Variants in SPATC1L observed in about 807,000 individuals in gnomAD.
SPATC1L encodes spermatogenesis and centriole associated 1 like.
In SPATC1L, 20 loss-of-function variants were observed where a neutral mutation model predicts 21.2. The observed-to-expected ratio is 0.94, with a 90% confidence interval of 0.66 to 1.37. The LOEUF (loss-of-function observed/expected upper bound fraction) is 1.37, where lower values mean the gene tolerates loss of function less well. Ranked by LOEUF, SPATC1L falls within the 40% of genes most tolerant of loss-of-function variation. The pLI, the probability that SPATC1L is intolerant of heterozygous loss-of-function variation, is 0.00. For missense variants in SPATC1L, 499 were observed against 478.7 expected (o/e 1.04, Z -0.40); for synonymous variants, 290 against 234.5 (o/e 1.24, Z -2.16).
chr21:46,162,156 C>T, intron 3 of SPATC1L, 89 bp from the exon 4 acceptor site: 1 of 1,330,092 alleles, frequency 7.5e-7, no homozygotes, highest in Non-Finnish European at 1.0e-6. Flanking sequence ...GGGGCGGCTC[C>T]TCCACCCCCC....
intron 2 of SPATC1L, among the ~76,000 whole-genome samples, chr21:46,176,592 C>T (rs530088696): frequency 1.3e-5 from 2 of 152,266 alleles, no homozygotes; most frequent in East Asian, 1.9e-4. Flanking sequence ...TGGAGGATGT[C>T]TACAAGGAGA....
chr21:46,172,008 G>A (rs1478440820), intron 2 of SPATC1L, among the ~76,000 whole-genome samples: 1 of 96,874 alleles, frequency 1.0e-5, no homozygotes, highest in Admixed American at 1.3e-4. Flanking sequence ...ATCCAAACAT[G>A]ATCAAGAACA....
At chr21:46,162,154 T>C in intron 3 of SPATC1L, 87 bp from the exon 4 acceptor site, 2 of 1,363,992 alleles carry the variant, frequency 1.5e-6, no homozygotes, top group Non-Finnish European at 2.0e-6. Context: ...GGGGGGCGGC[T>C]CCTCCACCCC....
intron 2 of SPATC1L, among the ~76,000 whole-genome samples, chr21:46,171,020 ATGG>A (rs2079585608): frequency 6.6e-6 from 1 of 150,666 alleles, no homozygotes; most frequent in Non-Finnish European, 1.5e-5. Flanking sequence ...TCCTTTGTGG[ATGG>A]GGAGGAGCCT....
At chr21:46,172,167 GGGATGCACAGAGCGTGAGGCGGA>G (rs2079598337) in intron 2 of SPATC1L, among the ~76,000 whole-genome samples, 2 of 104,192 alleles carry the variant, frequency 1.9e-5, no homozygotes, top group Admixed American at 9.1e-5. Flanking sequence ...CGTGAGGCGG[GGGATGCACAGAGCGTGAGGCGGA>G]GGATGCACAG....
chr21:46,180,965 C>T (rs1314952641), intron 2 of SPATC1L, among the ~76,000 whole-genome samples: 1 of 152,224 alleles, frequency 6.6e-6, no homozygotes, highest in Non-Finnish European at 1.5e-5. Context: ...GGACTCAGCC[C>T]CTGACAAGGG....
Position 46,182,782 on chromosome 21 carries a change from A to T in SPATC1L, c.35T>A (p.Leu12Gln). 2 of 1,545,924 alleles carry T rather than the reference A, an allele frequency of 1.3e-6. No homozygotes were observed. Among genetic ancestry groups the T allele is most frequent in the Non-Finnish European group, 1.7e-6 (2 of 1,145,152 alleles). The change falls in exon 2 of 5, where the codon CTG becomes CAG. Residue 12 changes from leucine to glutamine, a missense_variant. Physicochemically the swap from Leu to Gln is moderately radical, Grantham distance 113. Coordinates refer to ENST00000291672, the MANE Select transcript of SPATC1L (RefSeq NM_001142854.2). ...CTTCTTCAGGTCCGCGTTCTCGCTC[A>T]GGAGCCGGCTCATCAGCTCGCCGCC... The part of the protein sequence containing the change: ...AEGGELMSRL[L>Q]SENADLKKQV...
intron 2 of SPATC1L, among the ~76,000 whole-genome samples, chr21:46,180,506 G>A (rs2079664548): frequency 6.6e-6 from 1 of 152,242 alleles, no homozygotes; most frequent in African/African-American, 2.4e-5. Context: ...TACTCATCCT[G>A]TTTTGAACAC....
At chr21:46,167,592 A>G (rs2079550374) in intron 3 of SPATC1L, among the ~76,000 whole-genome samples, 1 of 152,196 alleles carries the variant, frequency 6.6e-6, no homozygotes, top group Non-Finnish European at 1.5e-5. Context: ...AGGCAGGCGA[A>G]TTGCTTCAGC....
In SPATC1L at chr21:46,161,956, T is replaced by C. The variant is rs2079499093; in HGVS notation, c.656A>G (p.Tyr219Cys). The change falls in exon 4 of 5, where the codon TAC becomes TGC. Residue 219 changes from tyrosine to cysteine, a missense_variant. Physicochemically the swap from Tyr to Cys is radical, Grantham distance 194. Coordinates refer to ENST00000291672, the MANE Select transcript of SPATC1L (RefSeq NM_001142854.2). The stretch of plus-strand genomic sequence containing the variant: ...GGGGATGTTGGCCACCGTGAAGCCG[T>C]AGAGCCGCGTCACGCCCGGGAACAC... ...AYVFPGVTRL[Y>C]GFTVANIPEK... is the part of the protein sequence containing the mutation. 1.9e-6 allele frequency: 3 copies of C among 1,608,006 alleles called. No homozygotes were observed. The highest frequency in any genetic ancestry group is 2.5e-6 in the Non-Finnish European group (3 of 1,179,280).
Position 46,183,373 on chromosome 21 carries a change from A to G in SPATC1L, c.-557T>C. The G allele has an allele frequency of 5.7e-6, 1 of 175,400 alleles. No homozygotes were observed. Among genetic ancestry groups the G allele is most frequent in the Non-Finnish European group, 1.2e-5 (1 of 81,264 alleles). 10.9% of individuals were successfully genotyped at this position (175,400 alleles called of 1,614,324 possible). ...CCGTCCTTGGCACCCACACTTGAGG[A>G]GGGAGGGACTGGCAAGGGCAGTGGG... On this transcript the variant is annotated 5_prime_UTR_variant, in exon 2 of 5. Transcript: ENST00000291672.
chr21:46,177,619 G>A (rs917779850), intron 2 of SPATC1L, among the ~76,000 whole-genome samples: 2 of 152,164 alleles, frequency 1.3e-5, no homozygotes, highest in Non-Finnish European at 2.9e-5. Flanking sequence ...TGCTGGCAAC[G>A]TTGCAGAGAA....
intron 2 of SPATC1L, among the ~76,000 whole-genome samples, chr21:46,175,391 T>A (rs1364055949): frequency 6.6e-6 from 1 of 151,862 alleles, no homozygotes; most frequent in Non-Finnish European, 1.5e-5. Flanking sequence ...TTGAAAAAAT[T>A]AATAAAATAG....
At chr21:46,171,454 C>A (rs1900727168) in intron 2 of SPATC1L, among the ~76,000 whole-genome samples, 1 of 148,336 alleles carries the variant, frequency 6.7e-6, no homozygotes, top group Non-Finnish European at 1.5e-5. Context: ...AATGTGCCTA[C>A]AAAGGAACCA....
In SPATC1L at chr21:46,161,395, G is replaced by C; in HGVS notation, c.1007C>G (p.Pro336Arg). 6.6e-7 allele frequency: 1 copy of C among 1,525,104 alleles called. No individual in the cohort carries two copies. Among genetic ancestry groups the C allele is most frequent in the South Asian group, 1.2e-5 (1 of 80,122 alleles). 94.5% of individuals were successfully genotyped at this position (1,525,104 alleles called of 1,614,324 possible). ...LCELSKEDGK[P>R]LFAW is the part of the protein sequence containing the mutation. The stretch of plus-strand genomic sequence containing the variant: ...CGGGGCGGCTCACCAGGCGAAGAGG[G>C]GCTTGCCGTCCTCCTTGGAGAGCTC... Residue 336 changes from proline to arginine, a missense_variant, in exon 5 of 5, where the codon CCC (proline) becomes CGC (arginine). Physicochemically the swap from Pro to Arg is moderately radical, Grantham distance 103 (BLOSUM62 -2). Coordinates refer to ENST00000291672, the MANE Select transcript of SPATC1L (RefSeq NM_001142854.2).
chr21:46,167,412 A>G (rs1227376003), intron 3 of SPATC1L, among the ~76,000 whole-genome samples: 1 of 152,264 alleles, frequency 6.6e-6, no homozygotes, highest in Non-Finnish European at 1.5e-5. Context: ...AACCAAATCC[A>G]AAATTAGAAG....
At position 46,161,224 on chromosome 21, in the gene SPATC1L, G is replaced by T; in HGVS notation, c.*155C>A. Reference sequence around the variant, plus strand: ...GCAGGTGCGGGCAGCGGCGGGCTGCGGTCGGGGCCCAGCACCGGTGGGAGC... The same window carrying T: ...GCAGGTGCGGGCAGCGGCGGGCTGCTGTCGGGGCCCAGCACCGGTGGGAGC... On this transcript the variant is annotated 3_prime_UTR_variant, in exon 5 of 5. Coordinates refer to ENST00000291672, the MANE Select transcript of SPATC1L (RefSeq NM_001142854.2). 1 of 609,008 alleles carries T rather than the reference G, an allele frequency of 1.6e-6. No homozygotes were observed. The highest frequency in any genetic ancestry group is 2.5e-6 in the Non-Finnish European group (1 of 392,814). The allele number at this position is 609,008 out of a possible 1,614,324, so 37.7% of individuals were successfully genotyped here.
Position 46,161,554 on chromosome 21 carries a change from C to A in SPATC1L, c.848G>T (p.Gly283Val). 1 of 1,610,746 alleles carries A rather than the reference C, an allele frequency of 6.2e-7. No homozygotes were observed. The highest frequency in any genetic ancestry group is 1.7e-5 in the Admixed American group (1 of 59,810). ...CAGGTCGGGCCGCTGCTTCAGGATT[C>A]CGTAGGTGTTGATGAGGAACTCGCT... ...AFSEFLINTY[G>V]ILKQRPDLRA... Residue 283 changes from glycine (G) to valine (V), a missense_variant, in exon 5 of 5, where the codon GGA becomes GTA. Coordinates refer to ENST00000291672, the MANE Select transcript of SPATC1L (RefSeq NM_001142854.2).
chr21:46,177,955 C>T (rs985413439), intron 2 of SPATC1L, among the ~76,000 whole-genome samples: 23 of 152,238 alleles, frequency 1.5e-4, no homozygotes, highest in Admixed American at 1.3e-4. Context: ...AGAGATCAGC[C>T]GGGAGCAGTG....
Sources: gnomAD v4.1 joint callset for allele counts (sites outside exome capture counted in the v4.1 genomes callset) on GRCh38, gnomAD v4.1.1 for gene constraint, MANE v1.5 for transcripts, NCBI Gene and HGNC (gene_info 2026-07-23, HGNC 2026-07-21) for gene names.